Variants in ATG16L2 observed in about 807,000 individuals in gnomAD.
ATG16L2 encodes the protein autophagy related 16 like 2.
A neutral mutation model predicts 84.7 loss-of-function variants in ATG16L2; 77 were observed. The ratio of observed to expected loss-of-function variants is 0.91; its 90% CI spans 0.76 to 1.10. The LOEUF (loss-of-function observed/expected upper bound fraction) is 1.10. Among genes scored for constraint, ATG16L2 ranks in the 50% least tolerant of loss-of-function variants. The pLI, the probability that ATG16L2 is intolerant of heterozygous loss-of-function variation, is 0.00. For synonymous variants in ATG16L2, 361 were observed against 342.8 expected (o/e 1.05, Z -0.59); for missense variants, 782 against 817.6 (o/e 0.96, Z 0.53).
chr11:72,832,596 C>T (rs1406636663), downstream of ATG16L2, among the ~76,000 whole-genome samples: 1 of 152,218 alleles, frequency 6.6e-6, no homozygotes, highest in Non-Finnish European at 1.5e-5. Context: ...AGGCTCTCAG[C>T]AGTCACTGCC....
At chr11:72,825,146 G>A (rs577282538) in intron 9 of ATG16L2, among the ~76,000 whole-genome samples, 156 bp from the exon 10 acceptor site, 5 of 152,214 alleles carry the variant, frequency 3.3e-5, no homozygotes, top group East Asian at 3.9e-4. Flanking sequence ...TGGTGGGGCC[G>A]GGTTTGAAAC....
intron 5 of ATG16L2, chr11:72,836,762 T>G (rs2135138861): frequency 6.5e-6 from 1 of 152,760 alleles, no homozygotes; most frequent in Admixed American, 6.5e-5. Context: ...ATTTTTTTTA[T>G]TATTCAACAT....
chr11:72,830,574 A>G (rs1044879072), downstream of ATG16L2, among the ~76,000 whole-genome samples: 3 of 152,130 alleles, frequency 2.0e-5, no homozygotes, highest in East Asian at 1.9e-4. Context: ...GGTTTAAGCA[A>G]TCCTCCCACC....
chr11:72,820,891 C>A (rs1859953877), intron 3 of ATG16L2, among the ~76,000 whole-genome samples: 1 of 152,142 alleles, frequency 6.6e-6, no homozygotes, highest in Non-Finnish European at 1.5e-5. Context: ...AAATGACCCT[C>A]ACCCACTCTC....
At chr11:72,831,933 T>C (rs1484089152), downstream of ATG16L2, among the ~76,000 whole-genome samples, 2 of 152,212 alleles carry the variant, frequency 1.3e-5, no homozygotes, top group African/African-American at 4.8e-5. Context: ...CTGCGGGGCA[T>C]GCCCCCTCCC....
At chr11:72,824,307 T>C in intron 8 of ATG16L2, 185 bp downstream of exon 8, 1 of 671,506 alleles carries the variant, frequency 1.5e-6, no homozygotes, top group Non-Finnish European at 2.6e-6. Context: ...TTCAGCTGTC[T>C]TCCAGGTTCT....
In ATG16L2 at chr11:72,816,733, C is replaced by T. The variant is rs759527212; in HGVS notation, c.124C>T (p.His42Tyr). The change falls in exon 2 of 18, where the codon CAT (histidine) becomes TAT (tyrosine). Residue 42 changes from histidine to tyrosine, a missense_variant. Physicochemically the swap from His to Tyr is moderately conservative, Grantham distance 83 (BLOSUM62 2). Transcript: ENST00000321297. ...CACTCTCTTGCACTCTCCAGATAAC[C>T]ATCTCTTAGAGAAGGCTGAGCTGCT... is the stretch of plus-strand genomic sequence containing the variant. The part of the protein sequence containing the change: ...LFLELVPAYN[H>Y]LLEKAELLDK... 3 of 1,613,924 alleles carry T rather than the reference C, an allele frequency of 1.9e-6. No homozygotes were observed. Among genetic ancestry groups the T allele is most frequent in the African/African-American group, 2.7e-5 (2 of 75,046 alleles).
intron 3 of ATG16L2, among the ~76,000 whole-genome samples, chr11:72,820,801 C>A (rs900441060): frequency 1.3e-5 from 2 of 152,100 alleles, no homozygotes; most frequent in African/African-American, 4.8e-5. Context: ...TGGGAGCTGC[C>A]TTGCCTGGGG....
chr11:72,842,634 A>C, exon 6 of ATG16L2: 1 of 1,613,964 alleles, frequency 6.2e-7, no homozygotes, highest in Non-Finnish European at 8.5e-7. Flanking sequence ...AATCTCTCTC[A>C]TCCATGGAGT....
At chr11:72,818,021 A>T (rs778394806) in intron 3 of ATG16L2, 166 bp downstream of exon 3, 1 of 656,444 alleles carries the variant, frequency 1.5e-6, no homozygotes, top group Non-Finnish European at 2.6e-6. Flanking sequence ...CAGGGGTCAG[A>T]GTGCCCTGGG....
At chr11:72,821,952 A>G in intron 4 of ATG16L2, 92 bp from the exon 5 acceptor site, 2 of 1,432,684 alleles carry the variant, frequency 1.4e-6, no homozygotes, top group Non-Finnish European at 1.8e-6. Context: ...CGCGTTTGGC[A>G]TGGGCAGGTC....
At chr11:72,816,692 G>A (rs1435962416) in intron 1 of ATG16L2, 36 bp from the exon 2 acceptor site, 2 of 1,555,554 alleles carry the variant, frequency 1.3e-6, no homozygotes, top group Admixed American at 1.7e-5. Flanking sequence ...CTGGGTATCT[G>A]TCTCTGCCCC....
chr11:72,832,615 C>T (rs1860631031), downstream of ATG16L2, among the ~76,000 whole-genome samples: 1 of 152,216 alleles, frequency 6.6e-6, no homozygotes, highest in African/African-American at 2.4e-5. Context: ...CCCAGGTTTT[C>T]AGAACTCTGG....
intron 15 of ATG16L2, 51 bp from the exon 16 acceptor site, chr11:72,828,678 G>A: frequency 6.2e-7 from 1 of 1,609,244 alleles, no homozygotes; most frequent in Non-Finnish European, 8.5e-7. Flanking sequence ...ACTGCAGAGG[G>A]CAGAGACTAG....
Position 72,821,702 on chromosome 11 carries a change from TG to T in ATG16L2, c.356del (p.Gly119AlafsTer107). On this transcript the variant is annotated frameshift_variant, in exon 4 of 18. Transcript: ENST00000321297. LOFTEE classifies it high-confidence loss of function. ...CAGGTGGTGGAGAAGGGCGCGGCCC[TG>T]GGCACGCTGGAGTCGGAGCTGCAGC... is the stretch of plus-strand genomic sequence containing the variant. Reference protein sequence around the residue: ...AYQVVEKGAALGTLESELQQR... With the variant: ...AYQVVEKGAAXGTLESELQQR... 6.5e-7 allele frequency: 1 copy of T among 1,534,062 alleles called. No individual in the cohort carries two copies.
intron 9 of ATG16L2, 77 bp from the exon 10 acceptor site, chr11:72,825,225 C>A: frequency 8.9e-7 from 1 of 1,128,194 alleles, no homozygotes; most frequent in Non-Finnish European, 1.3e-6. Flanking sequence ...TGCACAGGCA[C>A]CGGTAAGAGG....
In ATG16L2 at chr11:72,814,491, C is replaced by A. The variant is rs143300353; in HGVS notation, c.46C>A (p.Arg16Ser). 5 of 1,540,576 alleles carry A rather than the reference C, an allele frequency of 3.2e-6. No individual in the cohort carries two copies. The South Asian group carries it at 4.8e-5, about 15-fold the overall frequency. Residue 16 changes from arginine (R) to serine (S), a missense_variant, in exon 1 of 18, where the codon CGC (arginine) becomes AGC (serine). Arg to Ser is a moderately radical substitution (Grantham distance 110). Transcript: ENST00000321297. ...CGGTGCCCCCGCAGCGCGCTGGAAACGCCACATCGTGCGGCAGCTGCGGCT... is the reference window on the plus strand; with the variant it reads ...CGGTGCCCCCGCAGCGCGCTGGAAAAGCCACATCGTGCGGCAGCTGCGGCT... ...VPGAPAARWK[R>S]HIVRQLRLRD... is the part of the protein sequence containing the mutation.
At chr11:72,823,753 C>G (rs905998344) in intron 7 of ATG16L2, 2 of 513,054 alleles carry the variant, frequency 3.9e-6, no homozygotes, top group African/African-American at 3.8e-5. Flanking sequence ...TTCAGCGTCT[C>G]TCCTCCCTGT....
intron 5 of ATG16L2, among the ~76,000 whole-genome samples, chr11:72,840,699 C>T (rs547289366): frequency 6.6e-6 from 1 of 152,250 alleles, no homozygotes; most frequent in Non-Finnish European, 1.5e-5. Context: ...TTAAATGTCC[C>T]GAGATGAGTT....
Sources: gnomAD v4.1 joint callset for allele counts (sites outside exome capture counted in the v4.1 genomes callset) on GRCh38, gnomAD v4.1.1 for gene constraint, MANE v1.5 for transcripts, NCBI Gene and HGNC (gene_info 2026-07-23, HGNC 2026-07-21) for gene names.